LRP8: variants seen among roughly 807,000 people sequenced by gnomAD.
The protein encoded by LRP8 is low-density lipoprotein receptor-related protein 8.
A neutral mutation model predicts 111.6 loss-of-function variants in LRP8; 46 were observed. The ratio of observed to expected loss-of-function variants is 0.41; its 90% CI spans 0.33 to 0.53. LRP8 has a LOEUF of 0.53. Among genes scored for constraint, LRP8 ranks in the 20% least tolerant of loss-of-function variants. LRP8 has a pLI of 0.20. For synonymous variants in LRP8, 464 were observed against 511.2 expected (o/e 0.91, Z 1.24); for missense variants, 959 against 1,297.4 (o/e 0.74, Z 4.01).
intron 2 of LRP8, among the ~76,000 whole-genome samples, chr1:53,310,750 G>C (rs977906634): frequency 6.6e-6 from 1 of 152,132 alleles, no homozygotes; most frequent in Non-Finnish European, 1.5e-5. Flanking sequence ...GTTGTATAAA[G>C]GAGTGAGGCC....
chr1:53,319,626 C>T (rs545843755), intron 2 of LRP8, among the ~76,000 whole-genome samples: 33 of 152,306 alleles, frequency 2.2e-4, no homozygotes, highest in African/African-American at 6.3e-4. Context: ...GTGAGGAACT[C>T]GGTCAAGACT....
chr1:53,277,092 A>G lies in LRP8; in HGVS notation c.497-14T>C. 1 of 1,477,684 alleles carries G rather than the reference A, an allele frequency of 6.8e-7. No individual in the cohort carries two copies. Among genetic ancestry groups the G allele is most frequent in the Non-Finnish European group, 8.9e-7 (1 of 1,117,772 alleles). 91.5% of individuals were successfully genotyped at this position (1,477,684 alleles called of 1,614,324 possible). On this transcript the variant is annotated splice_polypyrimidine_tract_variant and intron_variant, in intron 4 of 18. Coordinates refer to ENST00000306052, the MANE Select transcript of LRP8 (RefSeq NM_004631.5). ...GCGGGGCGCACACTGCGCGGGACAG[A>G]GAGCCGGTCGGCCCGCCGACCCCCT...
In LRP8 at chr1:53,249,363, G is replaced by A. The variant is rs760642684; in HGVS notation, c.2853+17C>T. ...CTCACTCACCAGCCCCTCAGACTTAGAGTGGCACTGCCCTACCTTGGATTT... is the reference window on the plus strand; with the variant it reads ...CTCACTCACCAGCCCCTCAGACTTAAAGTGGCACTGCCCTACCTTGGATTT... On this transcript the variant is annotated intron_variant, in intron 18 of 18. Transcript: ENST00000306052. This position sits in a 1 kb window ranked among gnomAD's most constrained non-coding sequence, Gnocchi z 4.1. 32 of 1,612,452 alleles carry A rather than the reference G, an allele frequency of 2.0e-5. No individual in the cohort carries two copies. The highest frequency in any genetic ancestry group is 2.7e-5 in the Non-Finnish European group (32 of 1,179,082).
At position 53,262,774 on chromosome 1, in the gene LRP8, C is replaced by T. The variant is rs1646393685; in HGVS notation, c.1656-210G>A. ...TTGAGAACTTGAGGAAAACTATTCT[C>T]CGAGATTGCACCCAGACTCAGCTGA... On this transcript the variant is annotated intron_variant, in intron 10 of 18. Coordinates refer to ENST00000306052, the MANE Select transcript of LRP8 (RefSeq NM_004631.5). This position sits in a 1 kb window ranked among gnomAD's most constrained non-coding sequence, Gnocchi z 4.8. Among the ~76,000 whole-genome samples, 1 of 152,220 alleles carries T rather than the reference C, an allele frequency of 6.6e-6. No homozygotes were observed. The highest frequency in any genetic ancestry group is 1.5e-5 in the Non-Finnish European group (1 of 68,036).
At chr1:53,264,030 A>G (rs575342951) in intron 10 of LRP8, 139 bp downstream of exon 10, 3 of 793,358 alleles carry the variant, frequency 3.8e-6, no homozygotes, top group East Asian at 5.4e-5. Flanking sequence ...TTGGTTGGGG[A>G]TTAACAAGAC....
At chr1:53,260,126 T>G (rs1289480655) in intron 13 of LRP8, among the ~76,000 whole-genome samples, 1 of 152,228 alleles carries the variant, frequency 6.6e-6, no homozygotes, top group Non-Finnish European at 1.5e-5. Flanking sequence ...CAGATAGACC[T>G]GGGTTTAGGT....
At position 53,266,467 on chromosome 1, in the gene LRP8, G is replaced by A. The variant is rs199652254; in HGVS notation, c.1427+6C>T. The stretch of plus-strand genomic sequence containing the variant: ...ATGCCTTGCTGCAGAGGATATGGCC[G>A]CTCACCTATAGATCTTACGGTAGGA... On this transcript the variant is annotated splice_donor_region_variant and intron_variant, in intron 9 of 18. Coordinates refer to ENST00000306052, the MANE Select transcript of LRP8 (RefSeq NM_004631.5). This position sits in a 1 kb window ranked among gnomAD's most constrained non-coding sequence, Gnocchi z 5.0. The A allele has an allele frequency of 1.8e-4, 294 of 1,613,508 alleles. No individual in the cohort carries two copies. Among genetic ancestry groups the A allele is most frequent in the Admixed American group, 3.0e-4 (18 of 59,992 alleles).
chr1:53,289,170 G>A (rs983841087), intron 3 of LRP8, among the ~76,000 whole-genome samples: 2 of 152,316 alleles, frequency 1.3e-5, no homozygotes, highest in East Asian at 3.9e-4. Context: ...GGTTATCAAA[G>A]GCATTAATGC....
intron 2 of LRP8, among the ~76,000 whole-genome samples, chr1:53,321,688 C>T (rs872315): frequency 0.052 from 7,808 of 151,518 alleles, 285 homozygotes; most frequent in Middle Eastern, 0.17. Context: ...GGACTCACAC[C>T]GGGGAATGCT....
chr1:53,252,109 C>T lies in LRP8; in HGVS notation c.2504-1247G>A, dbSNP rs187104005. 4.0e-5 allele frequency among the ~76,000 whole-genome samples: 6 copies of T among 149,322 alleles called. No individual in the cohort carries two copies. The East Asian group carries it at 9.8e-4, about 24-fold the overall frequency. On this transcript the variant is annotated intron_variant, in intron 16 of 18. Transcript: ENST00000306052. The stretch of plus-strand genomic sequence containing the variant: ...AAGGAGGAAACCAAACTGTTATTAA[C>T]AGCTATTTGTATTTTTAGAAACTCT...
intron 2 of LRP8, among the ~76,000 whole-genome samples, chr1:53,309,253 C>T (rs953188947): frequency 2.6e-5 from 4 of 151,974 alleles, no homozygotes; most frequent in Non-Finnish European, 5.9e-5. Flanking sequence ...CCAGGCTGGG[C>T]GACAGAGTGA....
intron 2 of LRP8, among the ~76,000 whole-genome samples, chr1:53,319,627 G>A (rs960714502): frequency 6.6e-6 from 1 of 152,190 alleles, no homozygotes; most frequent in East Asian, 1.9e-4. Context: ...TGAGGAACTC[G>A]GTCAAGACTG....
rs142211379 is a variant in LRP8, at chr1:53,316,690, G to A, written c.244+10183C>T. Among the ~76,000 whole-genome samples, 1,388 of 152,368 alleles carry A rather than the reference G, an allele frequency of 9.1e-3. 20 individuals carry two copies. Among genetic ancestry groups the A allele is most frequent in the African/African-American group, 0.032 (1,331 of 41,584 alleles). The stretch of plus-strand genomic sequence containing the variant: ...CCACAGAATGGGATTGAGAGGGGCT[G>A]GAGATGCCCTACTCCCAAGGGGCAG... On this transcript the variant is annotated intron_variant, in intron 2 of 18. Coordinates refer to ENST00000306052, the MANE Select transcript of LRP8 (RefSeq NM_004631.5).
Position 53,277,098 on chromosome 1 carries a change from G to C in LRP8, c.497-20C>G, listed in dbSNP as rs1248947917. 1.4e-6 allele frequency: 2 copies of C among 1,466,720 alleles called. No individual in the cohort carries two copies. The highest frequency in any genetic ancestry group is 2.7e-5 in the East Asian group (1 of 36,940). 90.9% of individuals were successfully genotyped at this position (1,466,720 alleles called of 1,614,324 possible). A position where few individuals can be genotyped will look rare whatever the true frequency, so the allele number is the denominator to read the frequency against. On this transcript the variant is annotated intron_variant, in intron 4 of 18. Transcript: ENST00000306052. Reference sequence around the variant, plus strand: ...CGCACACTGCGCGGGACAGAGAGCCGGTCGGCCCGCCGACCCCCTCCCCGG... The same window carrying C: ...CGCACACTGCGCGGGACAGAGAGCCCGTCGGCCCGCCGACCCCCTCCCCGG...
At chr1:53,308,899 C>T (rs1652486919) in intron 2 of LRP8, among the ~76,000 whole-genome samples, 1 of 152,222 alleles carries the variant, frequency 6.6e-6, no homozygotes, top group Non-Finnish European at 1.5e-5. Context: ...TGCTACGTGA[C>T]CCTGGGTGTT....
Position 53,266,695 on chromosome 1 carries a change from G to GGA in LRP8, c.1253-50_1253-49dup. On this transcript the variant is annotated intron_variant, in intron 8 of 18. Transcript: ENST00000306052. This position sits in a 1 kb window ranked among gnomAD's most constrained non-coding sequence, Gnocchi z 5.0. ...GAGAAAGAGTCAGTGCAAGAGGCAG[G>GGA]GAGCCTGGAGACCAAGACTCTGCCA... 1 of 1,570,360 alleles carries GGA rather than the reference G, an allele frequency of 6.4e-7. No individual in the cohort carries two copies. Among genetic ancestry groups the GGA allele is most frequent in the Non-Finnish European group, 8.7e-7 (1 of 1,143,232 alleles).
At chr1:53,271,479 T>A in intron 6 of LRP8, 133 bp from the exon 7 acceptor site, 1 of 934,434 alleles carries the variant, frequency 1.1e-6, no homozygotes, top group Middle Eastern at 3.2e-4. Context: ...CTCCACAACC[T>A]CACTGAGCCT....
intron 3 of LRP8, among the ~76,000 whole-genome samples, chr1:53,283,141 C>G (rs780993087): frequency 6.6e-6 from 1 of 152,108 alleles, no homozygotes; most frequent in Non-Finnish European, 1.5e-5. Context: ...TAAGCCATAA[C>G]AGTACAGCTC....
chr1:53,254,763 G>T (rs550453412), intron 16 of LRP8, among the ~76,000 whole-genome samples: 1 of 152,308 alleles, frequency 6.6e-6, no homozygotes, highest in South Asian at 2.1e-4. Flanking sequence ...ACAAATCCTT[G>T]ATATCCTACC....
Sources: allele counts gnomAD v4.1 joint callset (sites outside exome capture counted in the v4.1 genomes callset), GRCh38; gene constraint gnomAD v4.1.1; non-coding constraint Gnocchi (gnomAD v3.1); transcripts MANE v1.5; gene names NCBI Gene and HGNC (gene_info 2026-07-23, HGNC 2026-07-21).